Variants in XYLT1 observed in about 807,000 individuals in gnomAD.
XYLT1 encodes beta-D-xylosyltransferase 1.
XYLT1 carries 36 observed loss-of-function variants against 91.3 expected under a neutral mutation model. The observed-to-expected ratio is 0.39, with a 90% CI of 0.30 to 0.52. XYLT1 has a LOEUF of 0.52. XYLT1 is among the 20% of genes least tolerant of loss of function. The probability of loss-of-function intolerance (pLI) is 0.68; values close to 1 mark genes in which losing one functional copy is unlikely to be tolerated. For missense variants in XYLT1, 1,242 were observed against 1,284.5 expected, an observed-to-expected ratio of 0.97 and a Z score of 0.51; for synonymous variants, 588 against 532.0, an observed-to-expected ratio of 1.11 and a Z score of -1.45.
At chr16:17,459,000 A>C (rs2036780360) in intron 1 of XYLT1, among the ~76,000 whole-genome samples, 1 of 152,154 alleles carries the variant, frequency 6.6e-6, no homozygotes, top group African/African-American at 2.4e-5. Flanking sequence ...GTGAGAATTC[A>C]TCAAGTTGTA....
In XYLT1 at chr16:17,105,744, C is replaced by G. The variant is rs1966765844; in HGVS notation, c.*2951G>C. 6.6e-6 allele frequency: 1 copy of G among 152,162 alleles called. No individual in the cohort carries two copies. The highest frequency in any genetic ancestry group is 1.5e-5 in the Non-Finnish European group (1 of 68,042). 9.4% of individuals were successfully genotyped at this position (152,162 alleles called of 1,614,324 possible). On this transcript the variant is annotated 3_prime_UTR_variant, in exon 12 of 12. Transcript: ENST00000261381. ...CACAGCTGCAGGCTGTAATAGGTTT[C>G]CAGAGACCACAGCCCTATGCTTTTG...
intron 5 of XYLT1, among the ~76,000 whole-genome samples, chr16:17,179,814 G>A (rs8060664): frequency 0.25 from 37,492 of 151,978 alleles, 5,089 homozygotes; most frequent in South Asian, 0.46. Flanking sequence ...CAAAATCTGG[G>A]CTGAACATGT....
At chr16:17,341,413 G>A (rs1231274966) in intron 2 of XYLT1, among the ~76,000 whole-genome samples, 1 of 152,198 alleles carries the variant, frequency 6.6e-6, no homozygotes, top group Non-Finnish European at 1.5e-5. Context: ...GACAGGAGAT[G>A]AGTGATAAGA....
intron 6 of XYLT1, among the ~76,000 whole-genome samples, chr16:17,146,354 C>T (rs578184355): frequency 2.0e-5 from 3 of 152,288 alleles, no homozygotes; most frequent in African/African-American, 7.2e-5. Context: ...TGCTTTTCAT[C>T]TGTGGGGCAG....
intron 1 of XYLT1, among the ~76,000 whole-genome samples, chr16:17,409,338 T>C (rs1468755007): frequency 1.3e-5 from 2 of 152,174 alleles, no homozygotes; most frequent in Non-Finnish European, 2.9e-5. Context: ...AGCTTGGACC[T>C]GCTATTTCTC....
chr16:17,113,128 C>CACCAGGCCATGATA (rs1966845646), intron 11 of XYLT1, among the ~76,000 whole-genome samples: 1 of 136,938 alleles, frequency 7.3e-6, no homozygotes, highest in African/African-American at 2.7e-5. Flanking sequence ...CGTGAGCCAC[C>CACCAGGCCATGATA]GTGTCTGGCC....
intron 11 of XYLT1, among the ~76,000 whole-genome samples, chr16:17,116,680 G>A (rs1387074704): frequency 1.3e-5 from 2 of 152,212 alleles, no homozygotes; most frequent in Non-Finnish European, 2.9e-5. Context: ...TCAGACGTCT[G>A]TGGTAGGGTG....
At chr16:17,440,657 A>C (rs1039665330) in intron 1 of XYLT1, among the ~76,000 whole-genome samples, 9 of 152,212 alleles carry the variant, frequency 5.9e-5, no homozygotes, top group African/African-American at 2.2e-4. Flanking sequence ...TCCACTTCAC[A>C]TGTCAATGAA....
At chr16:17,217,437 C>T (rs1360177810) in intron 3 of XYLT1, among the ~76,000 whole-genome samples, 1 of 152,156 alleles carries the variant, frequency 6.6e-6, no homozygotes, top group Non-Finnish European at 1.5e-5. Flanking sequence ...GAACATTTTG[C>T]AAATAGTTTT....
At chr16:17,385,226 C>T in intron 1 of XYLT1, among the ~76,000 whole-genome samples, 1 of 150,156 alleles carries the variant, frequency 6.7e-6, no homozygotes, top group Non-Finnish European at 1.5e-5. Flanking sequence ...TAAATAGAGG[C>T]CCCCGCTGCC....
intron 2 of XYLT1, among the ~76,000 whole-genome samples, chr16:17,337,099 G>T (rs1235983883): frequency 2.6e-5 from 4 of 152,142 alleles, no homozygotes; most frequent in African/African-American, 4.8e-5. Context: ...GGTTTTTTGG[G>T]TTTTTTTAAG....
At chr16:17,422,872 A>C (rs946775744) in intron 1 of XYLT1, among the ~76,000 whole-genome samples, 6 of 152,114 alleles carry the variant, frequency 3.9e-5, no homozygotes, top group Non-Finnish European at 8.8e-5. Context: ...CACTGCAAAT[A>C]GTTGTATGAT....
At chr16:17,414,881 G>A (rs1031742295) in intron 1 of XYLT1, among the ~76,000 whole-genome samples, 1 of 152,078 alleles carries the variant, frequency 6.6e-6, no homozygotes, top group Non-Finnish European at 1.5e-5. Flanking sequence ...AATACCCAAC[G>A]GGGCCGGCAT....
At chr16:17,154,053 G>T (rs746599628) in intron 6 of XYLT1, among the ~76,000 whole-genome samples, 1 of 151,508 alleles carries the variant, frequency 6.6e-6, no homozygotes, top group Non-Finnish European at 1.5e-5. Flanking sequence ...ATTCATTTCT[G>T]AAATGGGGTA....
intron 3 of XYLT1, among the ~76,000 whole-genome samples, chr16:17,240,755 C>T (rs1042609297): frequency 6.6e-6 from 1 of 152,190 alleles, no homozygotes; most frequent in African/African-American, 2.4e-5. Context: ...ACCTACTCTA[C>T]AAGCACCAGG....
chr16:17,256,458 C>A (rs1267125083), intron 3 of XYLT1, among the ~76,000 whole-genome samples: 1 of 151,986 alleles, frequency 6.6e-6, no homozygotes, highest in East Asian at 1.9e-4. Flanking sequence ...CAAGACCAGC[C>A]TGGCCAAGAT....
At chr16:17,454,903 T>TCCCCCCCCCCCCCC (rs201490419) in intron 1 of XYLT1, among the ~76,000 whole-genome samples, 18 of 36,984 alleles carry the variant, frequency 4.9e-4, no homozygotes, top group East Asian at 7.1e-4. Context: ...CATTCTTTCC[T>TCCCCCCCCCCCCCC]CCCCCCCCCG....
At chr16:17,201,200 T>C (rs2032535209) in intron 3 of XYLT1, among the ~76,000 whole-genome samples, 1 of 152,240 alleles carries the variant, frequency 6.6e-6, no homozygotes, top group South Asian at 2.1e-4. Context: ...GCAGGATCTT[T>C]AAATTTACTT....
In XYLT1 at chr16:17,259,201, A is replaced by G; in HGVS notation, c.700T>C (p.Ser234Pro). Reference protein sequence around the residue: ...AANSSHGKDVSRPPHARKTGG... With the variant: ...AANSSHGKDVPRPPHARKTGG... ...GTTTTCCTGGCATGAGGCGGTCTGG[A>G]CACATCCTTCCCGTGGCTGCTGTTG... The change falls in exon 3 of 12, where the codon TCC (serine) becomes CCC (proline). Residue 234 changes from serine (S) to proline (P), a missense_variant. Physicochemically the swap from Ser to Pro is moderately conservative, Grantham distance 74. Transcript: ENST00000261381. 1 of 1,613,696 alleles carries G rather than the reference A, an allele frequency of 6.2e-7. No homozygotes were observed. The highest frequency in any genetic ancestry group is 8.5e-7 in the Non-Finnish European group (1 of 1,179,870).
Sources: gnomAD v4.1 joint callset for allele counts (sites outside exome capture counted in the v4.1 genomes callset) on GRCh38, gnomAD v4.1.1 for gene constraint, MANE v1.5 for transcripts, NCBI Gene and HGNC (gene_info 2026-07-23, HGNC 2026-07-21) for gene names.